Variants in STAG1 observed in about 807,000 individuals in gnomAD.
STAG1 encodes cohesin subunit SA-1.
In STAG1, 26 loss-of-function variants were observed where a neutral mutation model predicts 170.9. The observed-to-expected ratio is 0.15, with a 90% CI of 0.11 to 0.21. STAG1 has a LOEUF of 0.21. STAG1 is among the 10% of genes least tolerant of loss of function. STAG1 has a pLI of 1.00. For synonymous variants in STAG1, 514 were observed against 497.7 expected, an observed-to-expected ratio of 1.03 and a Z score of -0.44; for missense variants, 964 against 1,509.5, an observed-to-expected ratio of 0.64 and a Z score of 5.99.
At chr3:136,651,626 T>A (rs574507613) in intron 1 of STAG1, among the ~76,000 whole-genome samples, 208 of 152,270 alleles carry the variant, frequency 1.4e-3, no homozygotes, top group Middle Eastern at 6.8e-3. Context: ...TAGATCAGTA[T>A]ATATTTCCAA....
chr3:136,486,999 C>CAAAAAAAAAAAAAA (rs536392595), intron 9 of STAG1, among the ~76,000 whole-genome samples: 3 of 54,662 alleles, frequency 5.5e-5, no homozygotes, highest in African/African-American at 2.8e-4. Context: ...TTTATTTCTT[C>CAAAAAAAAAAAAAA]AAAAAAAAAA....
intron 9 of STAG1, among the ~76,000 whole-genome samples, chr3:136,494,941 A>G (rs1933000983): frequency 6.6e-6 from 1 of 152,224 alleles, no homozygotes; most frequent in Admixed American, 6.5e-5. Flanking sequence ...TAATTTCAGA[A>G]GCTTTTGTTC....
intron 1 of STAG1, among the ~76,000 whole-genome samples, chr3:136,647,426 G>A (rs573888104): frequency 5.3e-5 from 8 of 152,040 alleles, no homozygotes; most frequent in East Asian, 3.9e-4. Flanking sequence ...AAAATTAGCC[G>A]GGCCTGGTAG....
chr3:136,550,340 C>T (rs537653526), intron 5 of STAG1, among the ~76,000 whole-genome samples: 53 of 151,038 alleles, frequency 3.5e-4, no homozygotes, highest in African/African-American at 1.3e-3. Context: ...CAGAGTCTCA[C>T]TCTGTCGCCC....
chr3:136,429,118 G>A (rs2107739940), intron 16 of STAG1, among the ~76,000 whole-genome samples: 1 of 150,602 alleles, frequency 6.6e-6, no homozygotes, highest in East Asian at 2.0e-4. Flanking sequence ...GCCTGGAACA[G>A]AGCGCAGGCT....
intron 1 of STAG1, 85 bp from the exon 2 acceptor site, chr3:136,631,066 G>T (rs771817171): frequency 3.2e-6 from 2 of 616,164 alleles, no homozygotes; most frequent in Non-Finnish European, 5.5e-6. Context: ...ACCACTACCA[G>T]TGATCACACT....
intron 1 of STAG1, among the ~76,000 whole-genome samples, chr3:136,663,233 A>C (rs1941637561): frequency 6.6e-6 from 1 of 152,184 alleles, no homozygotes; most frequent in African/African-American, 2.4e-5. Flanking sequence ...TGATGTTGAC[A>C]AACAGCAGTT....
intron 13 of STAG1, among the ~76,000 whole-genome samples, chr3:136,460,262 G>A (rs984891711): frequency 2.6e-5 from 4 of 152,064 alleles, no homozygotes; most frequent in African/African-American, 7.2e-5. Flanking sequence ...TAAAAGAAAT[G>A]AATAAATTCT....
intron 7 of STAG1, chr3:136,518,261 T>A: frequency 1.7e-6 from 1 of 595,060 alleles, no homozygotes; most frequent in South Asian, 2.1e-5. Flanking sequence ...ATTGTCTCTC[T>A]TCTCAGCTAA....
At chr3:136,416,110 T>C (rs1039890809) in intron 21 of STAG1, among the ~76,000 whole-genome samples, 2 of 151,914 alleles carry the variant, frequency 1.3e-5, no homozygotes, top group Non-Finnish European at 1.5e-5. Flanking sequence ...TGGGTTCCAG[T>C]GATTCTCCTG....
At chr3:136,647,462 G>A (rs765907548) in intron 1 of STAG1, among the ~76,000 whole-genome samples, 4 of 152,032 alleles carry the variant, frequency 2.6e-5, no homozygotes, top group East Asian at 1.9e-4. Context: ...CCAGCTACTC[G>A]GGAGGCTGAG....
Position 136,618,319 on chromosome 3 carries a change from G to T in STAG1, c.132+4827C>A, listed in dbSNP as rs1278387321. On this transcript the variant is annotated intron_variant, in intron 3 of 33. Transcript: ENST00000383202. The stretch of plus-strand genomic sequence containing the variant: ...CAATAAGGGAATGACACAGCAGCAG[G>T]CGCCACATGCGTCAGGGATAAGAAC... Among the ~76,000 whole-genome samples the T allele has an allele frequency of 3.3e-5, 5 of 152,310 alleles. No homozygotes were observed. In the East Asian group the frequency reaches 9.6e-4, roughly 29 times the overall value.
At chr3:136,733,411 G>C (rs1236940692) in intron 1 of STAG1, among the ~76,000 whole-genome samples, 1 of 152,070 alleles carries the variant, frequency 6.6e-6, no homozygotes, top group East Asian at 1.9e-4. Context: ...AACGCACACT[G>C]ACAGGGAGAA....
intron 28 of STAG1, among the ~76,000 whole-genome samples, chr3:136,353,805 C>A (rs574461032): frequency 2.0e-5 from 3 of 152,274 alleles, no homozygotes; most frequent in East Asian, 3.9e-4. Flanking sequence ...CAAAGAGTGC[C>A]AGTAAAGGTA....
intron 1 of STAG1, among the ~76,000 whole-genome samples, chr3:136,692,767 T>C (rs774918746): frequency 1.3e-4 from 20 of 152,224 alleles, no homozygotes; most frequent in Admixed American, 2.6e-4. Flanking sequence ...TAGGGGCTGG[T>C]AAAAGGAATT....
chr3:136,499,724 T>C (rs1933363428), intron 9 of STAG1: 6 of 152,250 alleles, frequency 3.9e-5, no homozygotes, highest in Admixed American at 3.9e-4. Context: ...GGCTTTTATT[T>C]CAATGTGTTT....
intron 1 of STAG1, among the ~76,000 whole-genome samples, chr3:136,690,720 A>G (rs1265028959): frequency 1.3e-5 from 2 of 152,156 alleles, no homozygotes; most frequent in Non-Finnish European, 2.9e-5. Context: ...GTGAGGAGGA[A>G]GAGTCAGCAA....
intron 5 of STAG1, among the ~76,000 whole-genome samples, chr3:136,551,258 A>AGAGAGG (rs1936385977): frequency 8.2e-6 from 1 of 122,378 alleles, no homozygotes; most frequent in East Asian, 2.4e-4. Flanking sequence ...AGAGAGAGAG[A>AGAGAGG]GAGGGAGAGC....
intron 1 of STAG1, among the ~76,000 whole-genome samples, chr3:136,723,148 C>T (rs1287758299): frequency 6.6e-6 from 1 of 151,942 alleles, no homozygotes; most frequent in Non-Finnish European, 1.5e-5. Flanking sequence ...TCTGCCCGGC[C>T]GCCCATCGTC....
Sources: allele counts gnomAD v4.1 joint callset (sites outside exome capture counted in the v4.1 genomes callset), GRCh38; gene constraint gnomAD v4.1.1; transcripts MANE v1.5; gene names NCBI Gene and HGNC (gene_info 2026-07-23, HGNC 2026-07-21).